Variants in ZNF569 observed in about 807,000 individuals in gnomAD.
ZNF569 encodes DNA-binding protein.
In ZNF569, 38 loss-of-function variants were observed where a neutral mutation model predicts 56.3. The ratio of observed to expected loss-of-function variants is 0.68; its 90% CI spans 0.52 to 0.88. The LOEUF (loss-of-function observed/expected upper bound fraction) is 0.88. Among genes scored for constraint, ZNF569 ranks in the 40% least tolerant of loss-of-function variants. The probability of loss-of-function intolerance (pLI) is 0.00; values close to 1 mark genes in which losing one functional copy is unlikely to be tolerated. For synonymous variants in ZNF569, 241 were observed against 262.9 expected (o/e 0.92, Z 0.81); for missense variants, 666 against 809.2 (o/e 0.82, Z 2.15).
chr19:37,456,487 G>A (rs552532589), intron 2 of ZNF569, among the ~76,000 whole-genome samples: 4 of 152,084 alleles, frequency 2.6e-5, no homozygotes, highest in African/African-American at 9.6e-5. Flanking sequence ...TGTTTGAGAA[G>A]GAAGCTCCCA....
chr19:37,415,912 T>C (rs2040922570), intron 5 of ZNF569, among the ~76,000 whole-genome samples: 1 of 150,808 alleles, frequency 6.6e-6, no homozygotes, highest in Non-Finnish European at 1.5e-5. Flanking sequence ...AAAAAAAGAA[T>C]ATTAAGAAAA....
chr19:37,422,727 G>A (rs1194255511), intron 5 of ZNF569, among the ~76,000 whole-genome samples: 1 of 152,132 alleles, frequency 6.6e-6, no homozygotes, highest in Non-Finnish European at 1.5e-5. Flanking sequence ...GGAAATAATT[G>A]GAAGAGAAAA....
chr19:37,434,369 T>A (rs1328758789), intron 3 of ZNF569, among the ~76,000 whole-genome samples: 1 of 151,754 alleles, frequency 6.6e-6, no homozygotes, highest in Non-Finnish European at 1.5e-5. Context: ...AAACAATGTT[T>A]CAAGACACAG....
chr19:37,415,251 T>C (rs1168575701), intron 5 of ZNF569, among the ~76,000 whole-genome samples: 4 of 151,976 alleles, frequency 2.6e-5, no homozygotes, highest in South Asian at 2.1e-4. Context: ...GTTTCGATAA[T>C]AGAAAGTATA....
intron 3 of ZNF569, among the ~76,000 whole-genome samples, chr19:37,435,758 T>A (rs1242913224): frequency 6.6e-6 from 1 of 152,112 alleles, no homozygotes; most frequent in African/African-American, 2.4e-5. Flanking sequence ...AACAAGGTCA[T>A]TACATGATGA....
At chr19:37,439,955 T>C (rs557558055) in intron 3 of ZNF569, among the ~76,000 whole-genome samples, 1 of 152,248 alleles carries the variant, frequency 6.6e-6, no homozygotes, top group Admixed American at 6.5e-5. Flanking sequence ...GGTACAAATA[T>C]AGTTAGAATG....
In ZNF569 at chr19:37,414,432, G is replaced by A; in HGVS notation, c.239-13C>T. 1 of 1,530,026 alleles carries A rather than the reference G, an allele frequency of 6.5e-7. No individual in the cohort carries two copies. The highest frequency in any genetic ancestry group is 8.7e-7 in the Non-Finnish European group (1 of 1,144,844). The allele number at this position is 1,530,026 out of a possible 1,614,324, so 94.8% of individuals were successfully genotyped here. On this transcript the variant is annotated splice_polypyrimidine_tract_variant and intron_variant, in intron 5 of 5. Transcript: ENST00000316950. ...CCCCATATTTCTCCTAAAACAGATT[G>A]CAAATAAATATCACTTACAAATTTT...
intron 5 of ZNF569, among the ~76,000 whole-genome samples, chr19:37,419,084 C>T (rs2146867928): frequency 6.6e-6 from 1 of 152,188 alleles, no homozygotes; most frequent in South Asian, 2.1e-4. Context: ...GCTTCTTGGC[C>T]ATATTTATGT....
chr19:37,436,680 G>A (rs2041314600), intron 3 of ZNF569, among the ~76,000 whole-genome samples: 1 of 151,972 alleles, frequency 6.6e-6, no homozygotes, highest in South Asian at 2.1e-4. Context: ...ATCATTAGAA[G>A]CTACTGTGAG....
intron 3 of ZNF569, among the ~76,000 whole-genome samples, chr19:37,437,209 C>T (rs987703021): frequency 6.6e-6 from 1 of 151,954 alleles, no homozygotes; most frequent in Non-Finnish European, 1.5e-5. Context: ...TATATCAGAT[C>T]AAGAGAATGA....
At chr19:37,466,052 C>CAT (rs1396283137) in intron 1 of ZNF569, among the ~76,000 whole-genome samples, 2 of 152,194 alleles carry the variant, frequency 1.3e-5, no homozygotes, top group African/African-American at 4.8e-5. Context: ...ATTATGCACA[C>CAT]ATATAGAACA....
chr19:37,445,960 C>A (rs986849769), intron 2 of ZNF569, among the ~76,000 whole-genome samples: 2 of 151,890 alleles, frequency 1.3e-5, no homozygotes, highest in African/African-American at 4.8e-5. Flanking sequence ...TCCTAAAAAT[C>A]ATATGGAACC....
upstream of ZNF569, chr19:37,467,962 G>A (rs1004718867): frequency 2.6e-6 from 4 of 1,535,850 alleles, no homozygotes; most frequent in East Asian, 2.4e-5. Flanking sequence ...TCATGACCCG[G>A]GATCGTGAGC....
At chr19:37,457,634 C>A (rs1253548262) in intron 2 of ZNF569, among the ~76,000 whole-genome samples, 2 of 138,864 alleles carry the variant, frequency 1.4e-5, no homozygotes, top group Non-Finnish European at 3.0e-5. Context: ...GGGAACTGAA[C>A]AATGAGAACA....
At chr19:37,468,887 T>TC, upstream of ZNF569, 3 of 144,494 alleles carry the variant, frequency 2.1e-5, no homozygotes, top group Non-Finnish European at 4.3e-5. Context: ...CCCGCTCCCC[T>TC]CCCAATTTTT....
At chr19:37,418,468 T>C (rs949199170) in intron 5 of ZNF569, among the ~76,000 whole-genome samples, 1 of 151,666 alleles carries the variant, frequency 6.6e-6, no homozygotes, top group South Asian at 2.1e-4. Context: ...CAGACAACAA[T>C]GGATGATAGA....
In ZNF569 at chr19:37,412,807, T is replaced by A; in HGVS notation, c.1851A>T (p.Gln617His). Residue 617 changes from glutamine to histidine, a missense_variant, in exon 6 of 6, where the codon CAA becomes CAT. Gln to His is a conservative substitution (Grantham distance 24, BLOSUM62 0). Transcript: ENST00000316950. The stretch of plus-strand genomic sequence containing the variant: ...GTATATGTATAGTAAGGGATGAGCT[T>A]TGGGAGAAGGCTTTTCCACATTTAT... ...ECNKCGKAFS[Q>H]SSSLTIHIRG... 6.2e-7 allele frequency: 1 copy of A among 1,614,046 alleles called. No homozygotes were observed. Among genetic ancestry groups the A allele is most frequent in the Non-Finnish European group, 8.5e-7 (1 of 1,179,964 alleles).
chr19:37,433,245 C>G (rs150215997), intron 3 of ZNF569, among the ~76,000 whole-genome samples: 164 of 152,054 alleles, frequency 1.1e-3, no homozygotes, highest in African/African-American at 3.5e-3. Flanking sequence ...CAGAATTGAT[C>G]AAGCAGAGGA....
intron 2 of ZNF569, among the ~76,000 whole-genome samples, chr19:37,461,602 G>A (rs551495879): frequency 9.2e-5 from 14 of 152,212 alleles, no homozygotes; most frequent in Non-Finnish European, 2.1e-4. Context: ...ACCATGCCCA[G>A]CCCATCCTTC....
Sources: allele counts gnomAD v4.1 joint callset (sites outside exome capture counted in the v4.1 genomes callset), GRCh38; gene constraint gnomAD v4.1.1; transcripts MANE v1.5; gene names NCBI Gene and HGNC (gene_info 2026-07-23, HGNC 2026-07-21).